Variants in LINGO2 observed in about 807,000 individuals in gnomAD.
The protein encoded by LINGO2 is leucine-rich repeat and immunoglobulin-like domain-containing nogo receptor-interacting protein 2.
LINGO2 carries 14 observed loss-of-function variants against 30.6 expected under a neutral mutation model. The ratio of observed to expected loss-of-function variants is 0.46; its 90% CI spans 0.30 to 0.72. The LOEUF (loss-of-function observed/expected upper bound fraction) is 0.72. Among genes scored for constraint, LINGO2 ranks in the 30% least tolerant of loss-of-function variants. The pLI is 0.07. For missense variants in LINGO2, 729 were observed against 751.7 expected (o/e 0.97, Z 0.35); for synonymous variants, 317 against 288.5 (o/e 1.10, Z -1.00).
the LINGO2 span, among the ~76,000 whole-genome samples, chr9:28,883,434 ACACT>A: frequency 6.6e-6 from 1 of 151,292 alleles, no homozygotes. Context: ...TCTTTCTACC[ACACT>A]CACTCTGTTA....
At chr9:28,991,157 G>C in the LINGO2 span, among the ~76,000 whole-genome samples, 7 of 152,096 alleles carry the variant, frequency 4.6e-5, 1 homozygote, top group South Asian at 4.2e-4. Context: ...AACCAATACA[G>C]AGAAGTGCTT....
chr9:28,051,312 C>T (rs183019283), intron 4 of LINGO2, among the ~76,000 whole-genome samples: 7 of 152,128 alleles, frequency 4.6e-5, no homozygotes, highest in South Asian at 2.1e-4. Flanking sequence ...CAAATCCCTC[C>T]GTCTCTGCAG....
At chr9:28,188,656 C>T (rs1196673331) in intron 4 of LINGO2, among the ~76,000 whole-genome samples, 3 of 152,110 alleles carry the variant, frequency 2.0e-5, no homozygotes, top group Non-Finnish European at 4.4e-5. Context: ...ATTTCCTAGA[C>T]ATTCTTATGT....
the LINGO2 span, among the ~76,000 whole-genome samples, chr9:28,970,658 C>T: frequency 6.6e-6 from 1 of 152,124 alleles, no homozygotes; most frequent in African/African-American, 2.4e-5. Context: ...ACTCAGCTGA[C>T]ATCCACCCAC....
intron 2 of LINGO2, among the ~76,000 whole-genome samples, chr9:28,473,381 T>G (rs1825603604): frequency 1.3e-5 from 2 of 151,802 alleles, no homozygotes; most frequent in African/African-American, 4.8e-5. Context: ...CTTGATCTGA[T>G]AAAATATCTA....
At chr9:28,542,490 T>A (rs1201016684) in intron 1 of LINGO2, among the ~76,000 whole-genome samples, 1 of 152,058 alleles carries the variant, frequency 6.6e-6, no homozygotes, top group Non-Finnish European at 1.5e-5. Flanking sequence ...TTCCCTTACC[T>A]AAAGGCATTC....
intron 1 of LINGO2, among the ~76,000 whole-genome samples, chr9:28,545,832 T>C (rs1821910962): frequency 6.6e-6 from 1 of 152,122 alleles, no homozygotes; most frequent in African/African-American, 2.4e-5. Flanking sequence ...GGTTCACTAA[T>C]ATTTATTGAA....
intron 1 of LINGO2, among the ~76,000 whole-genome samples, chr9:28,537,170 A>G (rs1279908753): frequency 6.6e-6 from 1 of 152,142 alleles, no homozygotes; most frequent in African/African-American, 2.4e-5. Flanking sequence ...ATACTCTCCC[A>G]AACAGACCTC....
At chr9:28,355,363 CTGTGTGTGTGTGTGTGTGTGTGTGTGTG>C (rs61656726) in intron 3 of LINGO2, among the ~76,000 whole-genome samples, 2 of 115,334 alleles carry the variant, frequency 1.7e-5, no homozygotes, top group Non-Finnish European at 3.6e-5. Context: ...CTCCCTCCCT[CTGTGTGTGTGTGTGTGTGTGTGTGTGTG>C]TGTGTGTGTG....
intron 1 of LINGO2, among the ~76,000 whole-genome samples, chr9:28,532,751 G>C (rs1253634187): frequency 6.6e-6 from 1 of 152,082 alleles, no homozygotes; most frequent in African/African-American, 2.4e-5. Context: ...GTATGCTTCT[G>C]ATTGTGGAGG....
chr9:29,140,534 GA>G, the LINGO2 span, among the ~76,000 whole-genome samples: 1 of 151,668 alleles, frequency 6.6e-6, no homozygotes, highest in East Asian at 1.9e-4. Flanking sequence ...AGGAACATAT[GA>G]AAAATCATCA....
chr9:28,944,244 T>C, the LINGO2 span, among the ~76,000 whole-genome samples: 1 of 152,178 alleles, frequency 6.6e-6, no homozygotes, highest in Non-Finnish European at 1.5e-5. Flanking sequence ...TTCAGACCCT[T>C]GAAGGATATG....
the LINGO2 span, among the ~76,000 whole-genome samples, chr9:29,040,142 C>T: frequency 6.6e-6 from 1 of 151,954 alleles, no homozygotes; most frequent in Non-Finnish European, 1.5e-5. Context: ...GTTCAGTTTC[C>T]GTCCTAAGCT....
the LINGO2 span, among the ~76,000 whole-genome samples, chr9:28,817,331 C>A: frequency 4.3e-4 from 66 of 152,244 alleles, no homozygotes; most frequent in South Asian, 2.1e-4. Context: ...CTAAGTTATG[C>A]AGAAATAAAA....
chr9:28,643,384 T>C lies in LINGO2; in HGVS notation c.-365+26816A>G, dbSNP rs914570432. On this transcript the variant is annotated intron_variant, in intron 1 of 5. Transcript: ENST00000379992. The stretch of plus-strand genomic sequence containing the variant: ...AGAATAGAAGACCCCAGAAACAAAT[T>C]TACACGCTCACAGTGAACTCATTTT... 6.6e-5 allele frequency among the ~76,000 whole-genome samples: 10 copies of C among 151,384 alleles called. 1 individual carries two copies. The highest frequency in any genetic ancestry group is 1.2e-4 in the Non-Finnish European group (8 of 67,738).
At chr9:28,795,356 G>A in the LINGO2 span, among the ~76,000 whole-genome samples, 3 of 152,082 alleles carry the variant, frequency 2.0e-5, no homozygotes, top group Non-Finnish European at 4.4e-5. Context: ...TGACAGTCTT[G>A]TATTATAAAG....
chr9:28,738,452 A>G, the LINGO2 span, among the ~76,000 whole-genome samples: 26 of 152,270 alleles, frequency 1.7e-4, no homozygotes, highest in Middle Eastern at 0.014. Flanking sequence ...TTTAATATAC[A>G]TAAACTTTCC....
the LINGO2 span, among the ~76,000 whole-genome samples, chr9:28,857,036 G>T: frequency 9.2e-5 from 14 of 152,112 alleles, no homozygotes; most frequent in East Asian, 2.5e-3. Flanking sequence ...ATTTGGAAGG[G>T]TACAGAATTC....
At chr9:28,025,506 A>G (rs1823333368) in intron 4 of LINGO2, among the ~76,000 whole-genome samples, 1 of 152,106 alleles carries the variant, frequency 6.6e-6, no homozygotes, top group Admixed American at 6.5e-5. Flanking sequence ...AGAGGCCTGT[A>G]TTTAATGAAT....
Sources: allele counts gnomAD v4.1 joint callset (sites outside exome capture counted in the v4.1 genomes callset), GRCh38; gene constraint gnomAD v4.1.1; transcripts MANE v1.5; gene names NCBI Gene and HGNC (gene_info 2026-07-23, HGNC 2026-07-21).